Variants in SPATA6L observed in about 807,000 individuals in gnomAD.
SPATA6L encodes the protein spermatogenesis associated 6-like protein.
Under a neutral mutation model 49.2 loss-of-function variants are expected in SPATA6L, and 68 were observed. The ratio of observed to expected loss-of-function variants is 1.38; its 90% CI spans 1.14 to 1.69. The LOEUF (loss-of-function observed/expected upper bound fraction) is 1.69. Ranked by LOEUF, SPATA6L falls within the 40% of genes most tolerant of loss-of-function variation. The pLI, the probability that SPATA6L is intolerant of heterozygous loss-of-function variation, is 0.00. For missense variants in SPATA6L, 668 were observed against 464.3 expected, an observed-to-expected ratio of 1.44 and a Z score of -4.03; for synonymous variants, 198 against 165.7, an observed-to-expected ratio of 1.19 and a Z score of -1.50.
chr9:4,634,156 T>A (rs916343389), intron 4 of SPATA6L, among the ~76,000 whole-genome samples: 1 of 152,246 alleles, frequency 6.6e-6, no homozygotes, highest in Non-Finnish European at 1.5e-5. Context: ...AGATGCCTTT[T>A]CTTTAACAGA....
In SPATA6L at chr9:4,657,601, G is replaced by A. The variant is rs180740477; in HGVS notation, c.178-1512C>T. 1.6e-3 allele frequency among the ~76,000 whole-genome samples: 242 copies of A among 152,124 alleles called. 2 individuals are homozygous for A. Among genetic ancestry groups the A allele is most frequent in the Middle Eastern group, 6.8e-3 (2 of 294 alleles). On this transcript the variant is annotated intron_variant, in intron 2 of 11. Transcript: ENST00000682582. ...GCAAAATTAAATTTATTTGAGCAAG[G>A]AGCGATTCATAAACTAGGCAGCACT... is the stretch of plus-strand genomic sequence containing the variant.
chr9:4,590,223 TG>T (rs1821818358), intron 13 of SPATA6L, among the ~76,000 whole-genome samples: 3 of 152,168 alleles, frequency 2.0e-5, no homozygotes, highest in African/African-American at 7.2e-5. Context: ...CGTGCCTGGC[TG>T]GGAACAAAAT....
At chr9:4,604,511 G>C (rs535369341) in intron 10 of SPATA6L, among the ~76,000 whole-genome samples, 1 of 152,198 alleles carries the variant, frequency 6.6e-6, no homozygotes, top group South Asian at 2.1e-4. Flanking sequence ...GCCTCCCAAA[G>C]TACTAGGATT....
At chr9:4,658,626 A>T (rs962465913) in intron 2 of SPATA6L, among the ~76,000 whole-genome samples, 1 of 152,206 alleles carries the variant, frequency 6.6e-6, no homozygotes, top group Admixed American at 6.5e-5. Context: ...TTGACAAATC[A>T]AGGAGGTTGG....
At chr9:4,659,586 G>A (rs448655) in intron 2 of SPATA6L, among the ~76,000 whole-genome samples, 81,513 of 151,944 alleles carry the variant, frequency 0.54, 22,153 homozygotes, top group East Asian at 0.7. Flanking sequence ...TCAATATCGT[G>A]AAAATGGCCA....
Position 4,662,194 on chromosome 9 carries a change from C to T in SPATA6L, c.40-158G>A. ...CCTCCCAACGCCAACATCCTCCCCT[C>T]TGCTCTCCTCACATTGGAAATTCCA... On this transcript the variant is annotated intron_variant, in intron 1 of 11. Coordinates refer to ENST00000682582, the MANE Select transcript of SPATA6L (RefSeq NM_001353486.2). This position sits in a 1 kb window ranked among gnomAD's most constrained non-coding sequence, Gnocchi z 4.9. The T allele has an allele frequency of 1.4e-6, 2 of 1,440,364 alleles. No homozygotes were observed. Among genetic ancestry groups the T allele is most frequent in the South Asian group, 1.5e-5 (1 of 67,912 alleles). 89.2% of individuals were successfully genotyped at this position (1,440,364 alleles called of 1,614,324 possible).
At chr9:4,607,791 A>G (rs1213598437) in intron 9 of SPATA6L, among the ~76,000 whole-genome samples, 2 of 152,258 alleles carry the variant, frequency 1.3e-5, no homozygotes, top group South Asian at 2.1e-4. Context: ...TTCACACATA[A>G]CAATATTAAT....
At chr9:4,659,346 A>G (rs112766933) in intron 2 of SPATA6L, among the ~76,000 whole-genome samples, 3,871 of 152,224 alleles carry the variant, frequency 0.025, 167 homozygotes, top group African/African-American at 0.089. Flanking sequence ...TACAAAATCA[A>G]TGTGCAAAAA....
chr9:4,623,224 G>A (rs376687473), intron 6 of SPATA6L, among the ~76,000 whole-genome samples: 1 of 152,154 alleles, frequency 6.6e-6, no homozygotes, highest in Admixed American at 6.5e-5. Flanking sequence ...AGATTGCGGT[G>A]AGCTGAGATC....
downstream of SPATA6L, among the ~76,000 whole-genome samples, chr9:4,596,789 G>C (rs1352009749): frequency 6.6e-6 from 1 of 152,040 alleles, no homozygotes; most frequent in Non-Finnish European, 1.5e-5. Context: ...GGGCCAACCA[G>C]GTGGCAGCAA....
intron 3 of SPATA6L, among the ~76,000 whole-genome samples, chr9:4,643,046 G>A (rs1432886600): frequency 1.3e-5 from 2 of 151,988 alleles, no homozygotes; most frequent in Admixed American, 6.6e-5. Context: ...CTGGCTCTGT[G>A]GCCCAGGCTG....
At chr9:4,626,916 A>G (rs1830456858) in intron 5 of SPATA6L, 1 of 164,786 alleles carries the variant, frequency 6.1e-6, no homozygotes, top group Non-Finnish European at 1.3e-5. Flanking sequence ...AATCTTTTTT[A>G]AAAGTGTGAT....
At chr9:4,605,148 G>A (rs1824425248) in intron 10 of SPATA6L, among the ~76,000 whole-genome samples, 199 bp downstream of exon 10, 1 of 152,082 alleles carries the variant, frequency 6.6e-6, no homozygotes, top group Admixed American at 6.6e-5. Context: ...TCCTCAGGAA[G>A]CCAGCCCTGA....
intron 8 of SPATA6L, 71 bp from the exon 9 acceptor site, chr9:4,618,181 G>C: frequency 7.4e-7 from 1 of 1,358,952 alleles, no homozygotes; most frequent in Non-Finnish European, 1.0e-6. Flanking sequence ...GGGGGTGGGG[G>C]TTGGACAAGG....
intron 2 of SPATA6L, among the ~76,000 whole-genome samples, chr9:4,659,816 G>A (rs1221482339): frequency 6.6e-6 from 1 of 152,104 alleles, no homozygotes; most frequent in Admixed American, 6.5e-5. Context: ...GCACAGTACT[G>A]GTACCAAAAC....
At chr9:4,613,064 C>A (rs1193114388) in intron 9 of SPATA6L, among the ~76,000 whole-genome samples, 2 of 151,838 alleles carry the variant, frequency 1.3e-5, no homozygotes, top group African/African-American at 2.4e-5. Flanking sequence ...CCCATCTCTA[C>A]TAAAATACAA....
chr9:4,651,737 G>A (rs1836914995), intron 3 of SPATA6L, among the ~76,000 whole-genome samples: 1 of 152,162 alleles, frequency 6.6e-6, no homozygotes, highest in Admixed American at 6.6e-5. Flanking sequence ...AAAGGCGTGT[G>A]ATAAAATTCA....
At chr9:4,638,502 C>G (rs978201575) in intron 3 of SPATA6L, among the ~76,000 whole-genome samples, 5 of 151,920 alleles carry the variant, frequency 3.3e-5, no homozygotes, top group African/African-American at 1.2e-4. Context: ...TGTGAGCCAC[C>G]ACGCCCAGCC....
At position 4,655,106 on chromosome 9, in the gene SPATA6L, A is replaced by G. The variant is rs417729; in HGVS notation, c.226+935T>C. Among the ~76,000 whole-genome samples the G allele has an allele frequency of 7.8e-3, 1,181 of 152,306 alleles. 20 individuals carry two copies. Among genetic ancestry groups the G allele is most frequent in the African/African-American group, 0.027 (1,139 of 41,564 alleles). ...AAACTTATACACAAATATTCACAGC[A>G]TCATTATTCATCATAGCCTAAAAGT... On this transcript the variant is annotated intron_variant, in intron 3 of 11. Transcript: ENST00000682582.
Sources: allele counts gnomAD v4.1 joint callset (sites outside exome capture counted in the v4.1 genomes callset), GRCh38; gene constraint gnomAD v4.1.1; non-coding constraint Gnocchi (gnomAD v3.1); transcripts MANE v1.5; gene names NCBI Gene and HGNC (gene_info 2026-07-23, HGNC 2026-07-21).